Variants in ZNF609 observed in about 807,000 individuals in gnomAD.
ZNF609 encodes the protein zinc finger protein 609.
Under a neutral mutation model 109.5 loss-of-function variants are expected in ZNF609, and 11 were observed. That is an observed-to-expected ratio of 0.10 (90% CI 0.06 to 0.17). The LOEUF is 0.17. Ranked by LOEUF, ZNF609 falls within the 10% of genes least tolerant of loss-of-function variation. ZNF609 has a pLI of 1.00. For synonymous variants in ZNF609, 646 were observed against 662.0 expected (o/e 0.98, Z 0.37); for missense variants, 1,559 against 1,772.4 (o/e 0.88, Z 2.16).
intron 2 of ZNF609, among the ~76,000 whole-genome samples, chr15:64,606,310 G>A (rs1028284959): frequency 6.6e-6 from 1 of 151,462 alleles, no homozygotes. Context: ...GGTGGCTCAT[G>A]CCTGTAATCT....
chr15:64,622,973 A>G lies in ZNF609; in HGVS notation c.894A>G (p.Thr298=). The G allele has an allele frequency of 1.9e-6, 3 of 1,614,274 alleles. No individual in the cohort carries two copies. Among genetic ancestry groups the G allele is most frequent in the Non-Finnish European group, 2.5e-6 (3 of 1,180,044 alleles). ...ACACATGTGATGTGGCTCTGGCCACAGAGCCTGAGTGCTTGGGCCCCTGTG... is the reference window on the plus strand; with the variant it reads ...ACACATGTGATGTGGCTCTGGCCACGGAGCCTGAGTGCTTGGGCCCCTGTG... ...GVNTCDVALA[T]EPECLGPCEP... The change falls in exon 3 of 10, where the codon ACA becomes ACG. Residue 298 remains threonine (T), a synonymous_variant. Coordinates refer to ENST00000326648, the MANE Select transcript of ZNF609 (RefSeq NM_015042.2).
chr15:64,595,045 A>G (rs984537625), intron 2 of ZNF609, among the ~76,000 whole-genome samples: 11 of 145,656 alleles, frequency 7.6e-5, no homozygotes, highest in African/African-American at 2.5e-4. Flanking sequence ...GTCTCTTTCT[A>G]CTGGGTTTGG....
chr15:64,655,061 G>A (rs1428851392), intron 3 of ZNF609, among the ~76,000 whole-genome samples: 2 of 150,278 alleles, frequency 1.3e-5, no homozygotes, highest in Admixed American at 6.7e-5. Flanking sequence ...ATGCCACTGT[G>A]GTCCAGCCTG....
intron 3 of ZNF609, among the ~76,000 whole-genome samples, chr15:64,669,038 C>T (rs1408068306): frequency 1.4e-5 from 2 of 146,780 alleles, no homozygotes; most frequent in Admixed American, 6.8e-5. Context: ...ATCAGATTGG[C>T]AAAGAACAAA....
At chr15:64,588,818 A>G (rs1204837162) in intron 2 of ZNF609, among the ~76,000 whole-genome samples, 3 of 151,798 alleles carry the variant, frequency 2.0e-5, no homozygotes, top group African/African-American at 7.3e-5. Context: ...TTGTATTTTT[A>G]ATAGAGATGG....
intron 2 of ZNF609, among the ~76,000 whole-genome samples, chr15:64,512,795 A>G (rs1893752806): frequency 6.6e-6 from 1 of 152,122 alleles, no homozygotes; most frequent in Non-Finnish European, 1.5e-5. Context: ...TCAAAGATGA[A>G]CACATACCTA....
At position 64,642,561 on chromosome 15, in the gene ZNF609, A is replaced by G. The variant is rs151004458; in HGVS notation, c.973+19509A>G. The stretch of plus-strand genomic sequence containing the variant: ...GTCATCCTAGCAATTTGGGAGGCCA[A>G]GGTGGGAGGATTACTTGAGCCCAGG... On this transcript the variant is annotated intron_variant, in intron 3 of 9. Coordinates refer to ENST00000326648, the MANE Select transcript of ZNF609 (RefSeq NM_015042.2). Among the ~76,000 whole-genome samples, 881 of 152,312 alleles carry G rather than the reference A, an allele frequency of 5.8e-3. 8 individuals carry two copies. Among genetic ancestry groups the G allele is most frequent in the Non-Finnish European group, 0.01 (714 of 68,026 alleles).
chr15:64,501,654 G>T (rs987673135), intron 2 of ZNF609: 1 of 152,154 alleles, frequency 6.6e-6, no homozygotes, highest in Admixed American at 6.5e-5. Context: ...AGGCCCATTA[G>T]ACTGTTCCCT....
At chr15:64,543,255 CTT>C (rs77646116) in intron 2 of ZNF609, among the ~76,000 whole-genome samples, 2,578 of 113,310 alleles carry the variant, frequency 0.023, 56 homozygotes, top group African/African-American at 0.08. Context: ...TTTGTTGTTG[CTT>C]TTTTTTTTTT....
chr15:64,638,370 C>T (rs1475079922), intron 3 of ZNF609, among the ~76,000 whole-genome samples: 1 of 151,500 alleles, frequency 6.6e-6, no homozygotes, highest in Non-Finnish European at 1.5e-5. Flanking sequence ...TCAAGATTGC[C>T]TTGGCTTTAC....
rs756288284 is a variant in ZNF609 at position 64,675,753 on chromosome 15, A to G, written c.2899A>G (p.Met967Val). ...QPSVIQQRPNMYMQSLYYNQY... is the reference protein window; with the variant it reads ...QPSVIQQRPNVYMQSLYYNQY... ...CTCGGTCATCCAGCAGCGTCCCAAT[A>G]TGTACATGCAGTCCCTGTACTACAA... is the stretch of plus-strand genomic sequence containing the variant. Residue 967 changes from methionine (M) to valine (V), a missense_variant, in exon 5 of 10, where the codon ATG becomes GTG. Coordinates refer to ENST00000326648, the MANE Select transcript of ZNF609 (RefSeq NM_015042.2). The G allele has an allele frequency of 2.0e-5, 32 of 1,614,194 alleles. No individual in the cohort carries two copies. The East Asian group carries it at 7.1e-4, about 36-fold the overall frequency.
chr15:64,499,161 T>G, intron 1 of ZNF609, 132 bp from the exon 2 acceptor site: 1 of 405,826 alleles, frequency 2.5e-6, no homozygotes, highest in Non-Finnish European at 4.4e-6. Flanking sequence ...GAAATACAAT[T>G]GAACCTGTTT....
At chr15:64,658,565 T>TACAC (rs112798266) in intron 3 of ZNF609, among the ~76,000 whole-genome samples, 43 of 150,858 alleles carry the variant, frequency 2.9e-4, no homozygotes, top group African/African-American at 7.8e-4. Flanking sequence ...TTGAAAGATA[T>TACAC]ACACACACAC....
chr15:64,672,411 G>T (rs960845909), intron 4 of ZNF609, among the ~76,000 whole-genome samples: 31 of 144,228 alleles, frequency 2.1e-4, no homozygotes, highest in African/African-American at 7.9e-4. Context: ...GATCACCTGA[G>T]GTCAGGAGTT....
chr15:64,635,291 G>A (rs1385616917), intron 3 of ZNF609, among the ~76,000 whole-genome samples: 1 of 152,144 alleles, frequency 6.6e-6, no homozygotes, highest in Non-Finnish European at 1.5e-5. Context: ...TGATACTTAG[G>A]AATTTAGTTG....
intron 5 of ZNF609, among the ~76,000 whole-genome samples, chr15:64,677,379 G>A (rs1223851408): frequency 6.6e-6 from 1 of 152,138 alleles, no homozygotes; most frequent in African/African-American, 2.4e-5. Context: ...TCCATAGCAG[G>A]TGTTTTTTCC....
intron 2 of ZNF609, among the ~76,000 whole-genome samples, chr15:64,528,196 C>T (rs1171539245): frequency 6.6e-6 from 1 of 151,402 alleles, no homozygotes; most frequent in Non-Finnish European, 1.5e-5. Flanking sequence ...CTCCTGGGTT[C>T]AAGCGATTCT....
chr15:64,624,888 T>C (rs1391395353), intron 3 of ZNF609, among the ~76,000 whole-genome samples: 1 of 151,320 alleles, frequency 6.6e-6, no homozygotes, highest in African/African-American at 2.4e-5. Flanking sequence ...GCCTCCTGAG[T>C]AGTGGGGACT....
At chr15:64,574,215 G>C (rs1894911828) in intron 2 of ZNF609, among the ~76,000 whole-genome samples, 1 of 85,900 alleles carries the variant, frequency 1.2e-5, no homozygotes, top group Admixed American at 1.3e-4. Flanking sequence ...CACCCCATTT[G>C]AGAATTTACT....
Sources: allele counts gnomAD v4.1 joint callset (sites outside exome capture counted in the v4.1 genomes callset), GRCh38; gene constraint gnomAD v4.1.1; transcripts MANE v1.5; gene names NCBI Gene and HGNC (gene_info 2026-07-23, HGNC 2026-07-21).